Variants in EHBP1 observed in about 807,000 individuals in gnomAD.
EHBP1 encodes the protein EH domain binding protein 1, also known as EH domain-binding protein 1.
In EHBP1, 55 loss-of-function variants were observed where a neutral mutation model predicts 144.0. The ratio of observed to expected loss-of-function variants is 0.38; its 90% confidence interval spans 0.31 to 0.48. The LOEUF is 0.48. Ranked by LOEUF, EHBP1 falls within the 20% of genes least tolerant of loss-of-function variation. EHBP1 has a pLI of 0.98. For missense variants in EHBP1, 1,200 were observed against 1,364.2 expected, an observed-to-expected ratio of 0.88 and a Z score of 1.90; for synonymous variants, 469 against 472.7, an observed-to-expected ratio of 0.99 and a Z score of 0.10.
At chr2:62,816,062 C>T (rs957746060) in intron 5 of EHBP1, among the ~76,000 whole-genome samples, 3 of 152,088 alleles carry the variant, frequency 2.0e-5, no homozygotes, top group Non-Finnish European at 4.4e-5. Context: ...AAATCAAATA[C>T]GAAGACTTGA....
intron 2 of EHBP1, among the ~76,000 whole-genome samples, chr2:62,707,496 CT>C (rs1181889716): frequency 2.6e-5 from 4 of 152,174 alleles, no homozygotes; most frequent in Non-Finnish European, 5.9e-5. Flanking sequence ...AATTACTGCG[CT>C]TCAGTATGGC....
intron 5 of EHBP1, among the ~76,000 whole-genome samples, chr2:62,812,769 G>A (rs1449559225): frequency 6.6e-6 from 1 of 152,104 alleles, no homozygotes; most frequent in Non-Finnish European, 1.5e-5. Context: ...GAGATGCATC[G>A]GGACTTTTCA....
chr2:62,841,189 A>G (rs1426069332), intron 7 of EHBP1, among the ~76,000 whole-genome samples: 7 of 152,192 alleles, frequency 4.6e-5, no homozygotes, highest in Non-Finnish European at 1.0e-4. Flanking sequence ...TGTCCTTTGT[A>G]TGGACATGGA....
At chr2:62,859,659 T>C (rs1195260167) in intron 8 of EHBP1, among the ~76,000 whole-genome samples, 5 of 152,126 alleles carry the variant, frequency 3.3e-5, no homozygotes, top group African/African-American at 1.2e-4. Context: ...CAACTCTATG[T>C]CTCTCTAGCC....
chr2:62,970,658 T>G (rs1488582488), intron 14 of EHBP1, among the ~76,000 whole-genome samples: 1 of 152,152 alleles, frequency 6.6e-6, no homozygotes, highest in Non-Finnish European at 1.5e-5. Flanking sequence ...TTGCGGCAAG[T>G]GTAAAAAGGA....
rs1164902422 is a variant in EHBP1 at position 63,045,617 on chromosome 2, A to G, written c.*117A>G. ...ACATTTTGTTTGGCTGGATTGTACT[A>G]CTTTACCTCTACTTTACCACCACCA... On this transcript the variant is annotated 3_prime_UTR_variant, in exon 23 of 23. Coordinates refer to ENST00000431489, the MANE Select transcript of EHBP1 (RefSeq NM_001142616.3). This position sits in a 1 kb window ranked among gnomAD's most constrained non-coding sequence, Gnocchi z 5.7. The G allele has an allele frequency of 2.5e-6, 2 of 787,376 alleles. No homozygotes were observed. Among genetic ancestry groups the G allele is most frequent in the East Asian group, 5.4e-5 (2 of 36,822 alleles). The allele number at this position is 787,376 out of a possible 1,614,324, so 48.8% of individuals were successfully genotyped here. A position where few individuals can be genotyped will look rare whatever the true frequency, so the allele number is the denominator to read the frequency against.
chr2:62,739,115 T>G (rs532634763), intron 2 of EHBP1, among the ~76,000 whole-genome samples: 1 of 152,360 alleles, frequency 6.6e-6, no homozygotes, highest in South Asian at 2.1e-4. Flanking sequence ...CCTGTATTCT[T>G]ATTTCACAGA....
At chr2:62,752,928 G>C (rs183725124) in intron 3 of EHBP1, among the ~76,000 whole-genome samples, 1 of 152,054 alleles carries the variant, frequency 6.6e-6, no homozygotes, top group Non-Finnish European at 1.5e-5. Context: ...TGAATACAGC[G>C]CACTGATGGG....
At chr2:62,726,814 C>T (rs2036841009) in intron 2 of EHBP1, 1 of 151,872 alleles carries the variant, frequency 6.6e-6, no homozygotes, top group African/African-American at 2.4e-5. Flanking sequence ...TCCTCCCATC[C>T]TGTTGAATTA....
intron 19 of EHBP1, among the ~76,000 whole-genome samples, chr2:63,020,142 G>A (rs1400969846): frequency 6.6e-6 from 1 of 151,916 alleles, no homozygotes; most frequent in Non-Finnish European, 1.5e-5. Context: ...TGGTCAACAT[G>A]GTGAAGCCCA....
Position 63,045,012 on chromosome 2 carries a change from G to A in EHBP1, c.3278-54G>A. 8.8e-7 allele frequency: 1 copy of A among 1,134,510 alleles called. No individual in the cohort carries two copies. The highest frequency in any genetic ancestry group is 1.2e-6 in the Non-Finnish European group (1 of 825,004). The allele number at this position is 1,134,510 out of a possible 1,614,324, so 70.3% of individuals were successfully genotyped here. On this transcript the variant is annotated intron_variant, in intron 21 of 22. Transcript: ENST00000431489. The surrounding 1 kb of genome is among the most constrained non-coding windows in gnomAD (Gnocchi z 5.7). Reference sequence around the variant, plus strand: ...AAAAGGCGGGAAGGGGAGGGCGGGGGGCCGGGTGTTCGGAGGCCCTGCCGG... The same window carrying A: ...AAAAGGCGGGAAGGGGAGGGCGGGGAGCCGGGTGTTCGGAGGCCCTGCCGG...
chr2:62,981,720 G>A (rs2058980569), intron 15 of EHBP1, among the ~76,000 whole-genome samples: 1 of 152,170 alleles, frequency 6.6e-6, no homozygotes, highest in South Asian at 2.1e-4. Flanking sequence ...TCATTCAACA[G>A]TCAAAGTAAA....
chr2:63,041,599 C>T (rs1328372211), intron 21 of EHBP1, among the ~76,000 whole-genome samples: 3 of 152,144 alleles, frequency 2.0e-5, no homozygotes, highest in African/African-American at 7.2e-5. Flanking sequence ...TGTGGAGGAG[C>T]TTATCCCCTA....
intron 1 of EHBP1, among the ~76,000 whole-genome samples, chr2:62,693,849 A>G (rs1177798209): frequency 6.6e-6 from 1 of 152,158 alleles, no homozygotes; most frequent in South Asian, 2.1e-4. Flanking sequence ...TAGCTCCCAC[A>G]TATGAGTGAG....
intron 7 of EHBP1, among the ~76,000 whole-genome samples, chr2:62,844,372 A>T (rs866158653): frequency 6.6e-6 from 1 of 152,190 alleles, no homozygotes; most frequent in East Asian, 1.9e-4. Context: ...ACTTCTATAG[A>T]TACATTTTAC....
intron 7 of EHBP1, among the ~76,000 whole-genome samples, chr2:62,856,779 A>G (rs2152780981): frequency 6.6e-6 from 1 of 152,364 alleles, no homozygotes; most frequent in Middle Eastern, 3.4e-3. Flanking sequence ...GTGCTGATAG[A>G]CTTGCTAATC....
chr2:62,942,783 G>C lies in EHBP1; in HGVS notation c.1251G>C (p.Trp417Cys). 6.2e-7 allele frequency: 1 copy of C among 1,613,706 alleles called. No individual in the cohort carries two copies. Among genetic ancestry groups the C allele is most frequent in the Non-Finnish European group, 8.5e-7 (1 of 1,179,758 alleles). The change falls in exon 11 of 23, where the codon TGG (tryptophan) becomes TGC (cysteine). Residue 417 changes from tryptophan (W) to cysteine (C), a missense_variant. This residue lies in a region of EHBP1 where 266 missense variants were observed against 262.4 expected (regional missense o/e 1.01). Transcript: ENST00000431489. ...ATGCTAGTCAGTCTTTGCTTGTATG[G>C]TGTAAAGAAGTTACAAAGAACTACC... ...KPNASQSLLV[W>C]CKEVTKNYRG...
intron 5 of EHBP1, among the ~76,000 whole-genome samples, chr2:62,783,335 G>A (rs938946184): frequency 1.3e-5 from 2 of 152,184 alleles, no homozygotes; most frequent in African/African-American, 4.8e-5. Flanking sequence ...GAAAGATGGT[G>A]GACCTCTTCT....
At chr2:63,032,437 G>A (rs1420864550) in intron 19 of EHBP1, among the ~76,000 whole-genome samples, 4 of 150,996 alleles carry the variant, frequency 2.6e-5, no homozygotes, top group East Asian at 3.9e-4. Context: ...GCGTGCTGGC[G>A]GGCGCCTGTA....
Sources: gnomAD v4.1 joint callset for allele counts (sites outside exome capture counted in the v4.1 genomes callset) on GRCh38, gnomAD v4.1.1 for gene constraint, gnomAD v4.1.1 regional missense constraint, Gnocchi (gnomAD v3.1) non-coding constraint, MANE v1.5 for transcripts, NCBI Gene and HGNC (gene_info 2026-07-23, HGNC 2026-07-21) for gene names.